The following TMCC2 variants were observed in gnomAD, a reference collection of about 807,000 sequenced individuals.
TMCC2 encodes the protein transmembrane and coiled-coil domain family 2, also known as transmembrane and coiled-coil domains protein 2.
Under a neutral mutation model 49.4 loss-of-function variants are expected in TMCC2, and 16 were observed. The ratio of observed to expected loss-of-function variants is 0.32; its 90% CI spans 0.22 to 0.49. TMCC2 has a LOEUF of 0.49. Ranked by LOEUF, TMCC2 falls within the 20% of genes least tolerant of loss-of-function variation. TMCC2 has a pLI of 0.99. For synonymous variants in TMCC2, 397 were observed against 434.1 expected, an observed-to-expected ratio of 0.91 and a Z score of 1.06; for missense variants, 762 against 989.8, an observed-to-expected ratio of 0.77 and a Z score of 3.09.
intron 2 of TMCC2, among the ~76,000 whole-genome samples, chr1:205,260,730 C>T (rs1165444569): frequency 7.4e-6 from 1 of 135,122 alleles, no homozygotes; most frequent in Non-Finnish European, 1.6e-5. Flanking sequence ...AGCTTTCTGT[C>T]TCTGTGGATT....
intron 2 of TMCC2, among the ~76,000 whole-genome samples, chr1:205,258,783 T>A (rs1660984206): frequency 6.6e-6 from 1 of 152,234 alleles, no homozygotes. Context: ...TACCGTAAGG[T>A]CACATGACCT....
intron 2 of TMCC2, among the ~76,000 whole-genome samples, chr1:205,254,779 T>G (rs528386092): frequency 2.0e-4 from 31 of 152,262 alleles, no homozygotes; most frequent in South Asian, 4.1e-4. Flanking sequence ...TTCTGAGCCC[T>G]CCTGATCCCG....
At chr1:205,253,553 C>T (rs955166358) in intron 2 of TMCC2, among the ~76,000 whole-genome samples, 1 of 152,220 alleles carries the variant, frequency 6.6e-6, no homozygotes, top group African/African-American at 2.4e-5. Flanking sequence ...TGAGATGTGG[C>T]CTCCATCTCT....
At chr1:205,230,496 A>AG (rs1193172487) in intron 1 of TMCC2, among the ~76,000 whole-genome samples, 1 of 152,042 alleles carries the variant, frequency 6.6e-6, no homozygotes, top group African/African-American at 2.4e-5. Context: ...TGAGATGGTG[A>AG]GGGGGAAGGG....
chr1:205,228,917 G>T (rs1659671540), intron 1 of TMCC2, 146 bp downstream of exon 1: 3 of 1,432,074 alleles, frequency 2.1e-6, no homozygotes, highest in Non-Finnish European at 9.1e-7. Context: ...GGCACCCCAG[G>T]GGGGACGTCA....
At position 205,228,398 on chromosome 1, in the gene TMCC2, A is replaced by G; in HGVS notation, c.-167A>G. ...GGCTCCCCCTTCTCGCCCCTCCCTC[A>G]CCCGCCTTTAAGAATTTTTTTTTTA... On this transcript the variant is annotated 5_prime_UTR_variant, in exon 1 of 5. Transcript: ENST00000358024. 1 of 578,236 alleles carries G rather than the reference A, an allele frequency of 1.7e-6. No individual in the cohort carries two copies. The highest frequency in any genetic ancestry group is 3.0e-6 in the Non-Finnish European group (1 of 335,722). 35.8% of individuals were successfully genotyped at this position (578,236 alleles called of 1,614,324 possible). A position where few individuals can be genotyped will look rare whatever the true frequency, so the allele number is the denominator to read the frequency against.
intron 2 of TMCC2, among the ~76,000 whole-genome samples, chr1:205,247,987 C>T (rs536783576): frequency 6.6e-6 from 1 of 152,340 alleles, no homozygotes; most frequent in Admixed American, 6.5e-5. Context: ...TAGGGGCTCA[C>T]GGTCCAGGGA....
intron 2 of TMCC2, among the ~76,000 whole-genome samples, chr1:205,244,787 A>G (rs1011337928): frequency 1.3e-5 from 2 of 152,134 alleles, no homozygotes; most frequent in African/African-American, 4.8e-5. Context: ...CTCGGCTAGC[A>G]GAGAAGGAGG....
intron 2 of TMCC2, among the ~76,000 whole-genome samples, chr1:205,251,843 G>GT (rs1231873099): frequency 7.2e-5 from 11 of 152,268 alleles, no homozygotes; most frequent in Non-Finnish European, 1.3e-4. Flanking sequence ...CACATTTCTC[G>GT]TTTAGTCACG....
chr1:205,248,668 G>T (rs1050900656), intron 2 of TMCC2, among the ~76,000 whole-genome samples: 52 of 151,960 alleles, frequency 3.4e-4, no homozygotes, highest in Non-Finnish European at 1.8e-4. Flanking sequence ...ATGGCCTTGG[G>T]CCACCTGGCT....
At chr1:205,270,141 G>A (rs1026301244) in intron 3 of TMCC2, among the ~76,000 whole-genome samples, 13 of 152,122 alleles carry the variant, frequency 8.5e-5, no homozygotes, top group African/African-American at 2.7e-4. Context: ...CTGCCTCCTG[G>A]GTTCAAGCGA....
intron 1 of TMCC2, chr1:205,229,559 T>TGG (rs1659706107): frequency 1.6e-5 from 3 of 189,972 alleles, no homozygotes; most frequent in Admixed American, 8.8e-4. Context: ...GGGGGGGGGG[T>TGG]GGTGGCGGGG....
In TMCC2 at chr1:205,273,298, T is replaced by C. The variant is rs1199657726; in HGVS notation, c.*1174T>C. The C allele has an allele frequency of 2.0e-5, 3 of 152,206 alleles. No homozygotes were observed. The East Asian group carries it at 5.8e-4, about 29-fold the overall frequency. The allele number at this position is 152,206 out of a possible 1,614,324, so 9.4% of individuals were successfully genotyped here. A position where few individuals can be genotyped will look rare whatever the true frequency, so the allele number is the denominator to read the frequency against. ...CAGGGAAAGCAGTGCCTGCCAGCTG[T>C]TGTGCACCTTCCTGAGAAATAAATA... On this transcript the variant is annotated 3_prime_UTR_variant, in exon 5 of 5. Transcript: ENST00000358024.
chr1:205,256,553 G>T (rs773170422), intron 2 of TMCC2: 2 of 915,724 alleles, frequency 2.2e-6, no homozygotes, highest in Non-Finnish European at 1.7e-6. Flanking sequence ...GGATCTCAGG[G>T]CAGAAGAATT....
intron 2 of TMCC2, chr1:205,257,150 G>A: frequency 8.1e-7 from 1 of 1,232,808 alleles, no homozygotes; most frequent in Non-Finnish European, 1.0e-6. Flanking sequence ...CAGGGGAGGG[G>A]GAAATCTCCT....
intron 1 of TMCC2, chr1:205,229,843 A>G: frequency 1.1e-5 from 11 of 985,368 alleles, no homozygotes; most frequent in Non-Finnish European, 1.2e-5. Context: ...ATATATCTCT[A>G]TCAATTAAAA....
At position 205,238,342 on chromosome 1, in the gene TMCC2, G is replaced by A. The variant is rs1008658725; in HGVS notation, c.208-3163G>A. Among the ~76,000 whole-genome samples the A allele has an allele frequency of 5.8e-4, 88 of 152,174 alleles. 1 individual carries two copies. Among genetic ancestry groups the A allele is most frequent in the African/African-American group, 1.9e-3 (80 of 41,510 alleles). On this transcript the variant is annotated intron_variant, in intron 1 of 4. Coordinates refer to ENST00000358024, the MANE Select transcript of TMCC2 (RefSeq NM_014858.4). ...GGCCCAGCCCTTGCGTCACTTTGCT[G>A]TTCCCGCCTCGCACCTTATCAGTGA...
At chr1:205,253,269 C>T (rs1052556656) in intron 2 of TMCC2, among the ~76,000 whole-genome samples, 2 of 151,970 alleles carry the variant, frequency 1.3e-5, no homozygotes, top group Non-Finnish European at 1.5e-5. Flanking sequence ...AGGGGCATGG[C>T]ATAAAAATTA....
intron 2 of TMCC2, among the ~76,000 whole-genome samples, chr1:205,265,087 G>A (rs1488554832): frequency 6.6e-6 from 1 of 152,186 alleles, no homozygotes; most frequent in Non-Finnish European, 1.5e-5. Flanking sequence ...TCACCAAGGA[G>A]GTGTCCAGGC....
Sources: allele counts gnomAD v4.1 joint callset (sites outside exome capture counted in the v4.1 genomes callset), GRCh38; gene constraint gnomAD v4.1.1; transcripts MANE v1.5; gene names NCBI Gene and HGNC (gene_info 2026-07-23, HGNC 2026-07-21).